RIBC2: variants seen among roughly 807,000 people sequenced by gnomAD.
The protein encoded by RIBC2 is RIB43A-like with coiled-coils protein 2.
RIBC2 carries 40 observed loss-of-function variants against 44.3 expected under a neutral mutation model. The ratio of observed to expected loss-of-function variants is 0.90; its 90% confidence interval spans 0.70 to 1.18. The LOEUF is 1.18. Among genes scored for constraint, RIBC2 ranks in the 50% most tolerant of loss-of-function variants. The pLI is 0.00. For synonymous variants in RIBC2, 171 were observed against 175.0 expected (o/e 0.98, Z 0.18); for missense variants, 459 against 485.5 (o/e 0.95, Z 0.51).
At position 45,432,284 on chromosome 22, in the gene RIBC2, G is replaced by GA. The variant is rs781625804; in HGVS notation, c.1077dup (p.Tyr360IlefsTer4). 1.3e-6 allele frequency: 2 copies of GA among 1,526,132 alleles called. No individual in the cohort carries two copies. The highest frequency in any genetic ancestry group is 1.9e-5 in the Admixed American group (1 of 53,420). The allele number at this position is 1,526,132 out of a possible 1,614,324, so 94.5% of individuals were successfully genotyped here. On this transcript the variant is annotated frameshift_variant and splice_region_variant, in exon 7 of 7. Coordinates refer to ENST00000614167, the MANE Select transcript of RIBC2 (RefSeq NM_015653.5). LOFTEE classifies it high-confidence loss of function. ...TTTTTTTTTCTCATTTTGTTATCAGGAAAAAATATATGAATGAAGTCTATA... is the reference window on the plus strand; with the variant it reads ...TTTTTTTTTCTCATTTTGTTATCAGGAAAAAAATATATGAATGAAGTCTATA...
chr22:45,430,459 T>A (rs1051433985), intron 5 of RIBC2, among the ~76,000 whole-genome samples: 1 of 152,090 alleles, frequency 6.6e-6, no homozygotes, highest in African/African-American at 2.4e-5. Context: ...GGTGTCTGCA[T>A]GTTCTGGAAG....
intron 2 of RIBC2, 112 bp from the exon 3 acceptor site, chr22:45,417,490 G>A: frequency 2.5e-6 from 2 of 808,748 alleles, no homozygotes; most frequent in East Asian, 5.4e-5. Context: ...ACCAGCCCAG[G>A]CAACATAATG....
chr22:45,414,128 A>G (rs2087392603), intron 1 of RIBC2, 113 bp downstream of exon 1: 1 of 1,489,348 alleles, frequency 6.7e-7, no homozygotes, highest in Admixed American at 2.3e-5. Flanking sequence ...GGAGGCAGCA[A>G]ACGGCCTCCT....
intron 3 of RIBC2, 57 bp downstream of exon 3, chr22:45,418,003 A>C: frequency 2.8e-6 from 3 of 1,069,956 alleles, no homozygotes; most frequent in Non-Finnish European, 3.7e-6. Flanking sequence ...AACCAACCCT[A>C]CAGTTTTTTT....
In RIBC2 at chr22:45,413,700, A is replaced by C. The variant is rs1194501925; in HGVS notation, c.-187A>C. ...GCCGTTCCTTAGCAACGAGTTGTTGACATTTCCGAGAGAGCGGGAGCGTCT... is the reference window on the plus strand; with the variant it reads ...GCCGTTCCTTAGCAACGAGTTGTTGCCATTTCCGAGAGAGCGGGAGCGTCT... On this transcript the variant is annotated 5_prime_UTR_variant, in exon 1 of 7. Transcript: ENST00000614167. 2 of 1,172,882 alleles carry C rather than the reference A, an allele frequency of 1.7e-6. No homozygotes were observed. The highest frequency in any genetic ancestry group is 2.4e-6 in the Non-Finnish European group (2 of 825,238). 72.7% of individuals were successfully genotyped at this position (1,172,882 alleles called of 1,614,324 possible).
Position 45,417,865 on chromosome 22 carries a change from T to C in RIBC2, c.475T>C (p.Phe159Leu). ...TTTAAACTTCCATGAGAGGAAGAAA[T>C]TCCAAGAGGAACAAAACAGAGAATG... ...EDLNFHERKK[F>L]QEEQNREWSL... The change falls in exon 3 of 7, where the codon TTC (phenylalanine) becomes CTC (leucine). Residue 159 changes from phenylalanine (F) to leucine (L), a missense_variant. Physicochemically the swap from Phe to Leu is conservative, Grantham distance 22 (BLOSUM62 0). Coordinates refer to ENST00000614167, the MANE Select transcript of RIBC2 (RefSeq NM_015653.5). 6.2e-7 allele frequency: 1 copy of C among 1,613,972 alleles called. No individual in the cohort carries two copies. Among genetic ancestry groups the C allele is most frequent in the South Asian group, 1.1e-5 (1 of 91,072 alleles).
In RIBC2 at chr22:45,430,987, C is replaced by T. The variant is rs772232284; in HGVS notation, c.991C>T (p.Gln331Ter). Reference protein sequence around the residue: ...GARATLLFERQQWRRQRDLRR... With the variant: ...GARATLLFER ...TCGCGCCACCCTGCTGTTTGAGCGG[C>T]AGCAGTGGCGGCGGCAGCGCGACCT... The change falls in exon 6 of 7, where the codon CAG (glutamine) becomes TAG (stop). Residue 331 changes from glutamine to a stop codon, truncating the protein, a stop_gained. Transcript: ENST00000614167. LOFTEE classifies it high-confidence loss of function. 7.5e-6 allele frequency: 12 copies of T among 1,605,082 alleles called. No homozygotes were observed. The South Asian group carries it at 1.3e-4, about 18-fold the overall frequency.
intron 2 of RIBC2, among the ~76,000 whole-genome samples, chr22:45,415,875 T>A (rs1424203476): frequency 6.6e-6 from 1 of 152,154 alleles, no homozygotes; most frequent in South Asian, 2.1e-4. Context: ...GATTTTTGTA[T>A]TTTTAGTAGA....
At chr22:45,427,474 T>C (rs1179423014) in intron 5 of RIBC2, among the ~76,000 whole-genome samples, 1 of 152,242 alleles carries the variant, frequency 6.6e-6, no homozygotes, top group Admixed American at 6.5e-5. Context: ...GAAGTGCTGG[T>C]GATTGTTTTA....
chr22:45,422,284 T>C lies in RIBC2; in HGVS notation c.557-6T>C. On this transcript the variant is annotated splice_polypyrimidine_tract_variant and splice_region_variant and intron_variant, in intron 3 of 6. Coordinates refer to ENST00000614167, the MANE Select transcript of RIBC2 (RefSeq NM_015653.5). ...GTCGATCTGATTGCTTCTTGCCTCC[T>C]TTCAGAGGCCCTCTACACAGAGACA... 6.2e-7 allele frequency: 1 copy of C among 1,609,352 alleles called. No individual in the cohort carries two copies. Among genetic ancestry groups the C allele is most frequent in the Non-Finnish European group, 8.5e-7 (1 of 1,175,644 alleles).
chr22:45,421,660 C>G (rs899374045), intron 3 of RIBC2, among the ~76,000 whole-genome samples: 2 of 150,978 alleles, frequency 1.3e-5, no homozygotes, highest in African/African-American at 4.9e-5. Flanking sequence ...CAGGTAAGGA[C>G]ACAGGCTCAG....
chr22:45,414,840 A>C (rs1408756956), intron 2 of RIBC2, among the ~76,000 whole-genome samples: 1 of 152,150 alleles, frequency 6.6e-6, no homozygotes, highest in Non-Finnish European at 1.5e-5. Context: ...TGGATAGGAA[A>C]AGCCTTAAAC....
chr22:45,432,110 T>TGAG (rs1244838230), intron 6 of RIBC2, among the ~76,000 whole-genome samples, 174 bp from the exon 7 acceptor site: 1 of 152,048 alleles, frequency 6.6e-6, no homozygotes, highest in Non-Finnish European at 1.5e-5. Flanking sequence ...CCCTCGCCGC[T>TGAG]GAGGAGCGGT....
intron 5 of RIBC2, among the ~76,000 whole-genome samples, chr22:45,427,694 A>G (rs1569211152): frequency 6.6e-6 from 1 of 152,338 alleles, no homozygotes; most frequent in East Asian, 1.9e-4. Context: ...GAGTGCAGTC[A>G]TGCAGTCTCG....
rs371771627 is a variant in RIBC2 at position 45,430,945 on chromosome 22, C to T, written c.949C>T (p.Arg317Trp). Residue 317 changes from arginine (R) to tryptophan (W), a missense_variant, in exon 6 of 7, where the codon CGG (arginine) becomes TGG (tryptophan). Arg to Trp is a moderately radical substitution (Grantham distance 101, BLOSUM62 -3). Coordinates refer to ENST00000614167, the MANE Select transcript of RIBC2 (RefSeq NM_015653.5). ...KRQRDLDWDR[R>W]RIQGARATLL... The stretch of plus-strand genomic sequence containing the variant: ...CCAGCGAGACCTGGACTGGGACCGG[C>T]GGAGGATTCAGGGGGCTCGCGCCAC... 9.1e-5 allele frequency: 146 copies of T among 1,610,288 alleles called. No individual in the cohort carries two copies. The highest frequency in any genetic ancestry group is 1.2e-4 in the Non-Finnish European group (143 of 1,178,270).
At chr22:45,414,744 T>G (rs1485578615) in intron 2 of RIBC2, among the ~76,000 whole-genome samples, 1 of 152,180 alleles carries the variant, frequency 6.6e-6, no homozygotes, top group African/African-American at 2.4e-5. Context: ...ATTCTTCTCT[T>G]AAAAACAGCT....
intron 2 of RIBC2, among the ~76,000 whole-genome samples, chr22:45,416,529 T>G (rs1484655634): frequency 6.6e-6 from 1 of 152,190 alleles, no homozygotes; most frequent in Non-Finnish European, 1.5e-5. Context: ...TGGAGCGATC[T>G]CGGCTCACTG....
intron 3 of RIBC2, among the ~76,000 whole-genome samples, chr22:45,421,308 C>A (rs953267391): frequency 1.4e-5 from 2 of 143,508 alleles, no homozygotes; most frequent in Middle Eastern, 3.6e-3. Context: ...AATAATAATA[C>A]TATTATTATT....
intron 1 of RIBC2, 54 bp from the exon 2 acceptor site, chr22:45,414,268 T>C (rs1164044901): frequency 2.4e-5 from 36 of 1,522,064 alleles, no homozygotes; most frequent in Non-Finnish European, 3.2e-5. Flanking sequence ...GGATTGTTAT[T>C]ACTGAATAAA....
Sources: allele counts gnomAD v4.1 joint callset (sites outside exome capture counted in the v4.1 genomes callset), GRCh38; gene constraint gnomAD v4.1.1; transcripts MANE v1.5; gene names NCBI Gene and HGNC (gene_info 2026-07-23, HGNC 2026-07-21).